The following ANKS1B variants were observed in gnomAD, a reference collection of about 807,000 sequenced individuals.
The protein encoded by ANKS1B is ankyrin repeat and sterile alpha motif domain-containing protein 1B.
A neutral mutation model predicts 148.3 loss-of-function variants in ANKS1B; 36 were observed. That is an observed-to-expected ratio of 0.24 (90% confidence interval 0.19 to 0.32). The LOEUF is 0.32. ANKS1B is among the 10% of genes least tolerant of loss of function. The pLI, the probability that ANKS1B is intolerant of heterozygous loss-of-function variation, is 1.00. For synonymous variants in ANKS1B, 542 were observed against 560.8 expected, an observed-to-expected ratio of 0.97 and a Z score of 0.47; for missense variants, 1,157 against 1,542.6, an observed-to-expected ratio of 0.75 and a Z score of 4.19.
At chr12:99,370,394 C>A (rs79941198) in intron 12 of ANKS1B, among the ~76,000 whole-genome samples, 3,955 of 152,178 alleles carry the variant, frequency 0.026, 163 homozygotes, top group African/African-American at 0.085. Context: ...ATCCTGTCAT[C>A]ATGGACCTAC....
At chr12:99,778,149 C>T (rs886266458) in intron 6 of ANKS1B, among the ~76,000 whole-genome samples, 12 of 150,534 alleles carry the variant, frequency 8.0e-5, no homozygotes, top group Non-Finnish European at 1.5e-4. Flanking sequence ...GCAGTGAGCC[C>T]AGAGGGCGCC....
At chr12:98,746,680 G>A (rs2097902419) in intron 26 of ANKS1B, among the ~76,000 whole-genome samples, 1 of 152,174 alleles carries the variant, frequency 6.6e-6, no homozygotes, top group African/African-American at 2.4e-5. Flanking sequence ...CCAAAACGCA[G>A]AAAAGCTCCT....
intron 8 of ANKS1B, among the ~76,000 whole-genome samples, chr12:99,723,910 G>C (rs961441109): frequency 2.0e-5 from 3 of 152,086 alleles, no homozygotes; most frequent in African/African-American, 7.2e-5. Context: ...CTACAGAAGA[G>C]GGGCCTGACC....
At chr12:99,934,777 A>G (rs890671518) in intron 1 of ANKS1B, among the ~76,000 whole-genome samples, 1 of 152,178 alleles carries the variant, frequency 6.6e-6, no homozygotes, top group Admixed American at 6.6e-5. Context: ...AAAAAGAAAA[A>G]AAGACATGGA....
intron 17 of ANKS1B, among the ~76,000 whole-genome samples, chr12:98,945,277 C>G (rs944979975): frequency 2.0e-5 from 3 of 152,084 alleles, no homozygotes; most frequent in Admixed American, 6.6e-5. Flanking sequence ...GGGCAGATCA[C>G]TTGAGCTCAG....
intron 10 of ANKS1B, among the ~76,000 whole-genome samples, chr12:99,472,189 T>C (rs1396648698): frequency 2.0e-5 from 3 of 152,110 alleles, no homozygotes; most frequent in African/African-American, 7.2e-5. Context: ...CTCCTCTAAT[T>C]TGTAGGTCTT....
intron 17 of ANKS1B, among the ~76,000 whole-genome samples, chr12:98,892,966 G>A (rs1420970485): frequency 6.6e-6 from 1 of 152,200 alleles, no homozygotes; most frequent in African/African-American, 2.4e-5. Flanking sequence ...GTAACATTAA[G>A]TTTGGCAACT....
intron 17 of ANKS1B, chr12:98,976,403 AG>A (rs1381828255): frequency 6.6e-6 from 1 of 152,240 alleles, no homozygotes; most frequent in African/African-American, 2.4e-5. Context: ...AGAAGCAACA[AG>A]AAGAAAGTGT....
At chr12:99,003,635 AC>A (rs1027517088) in intron 17 of ANKS1B, among the ~76,000 whole-genome samples, 2 of 152,132 alleles carry the variant, frequency 1.3e-5, no homozygotes, top group African/African-American at 4.8e-5. Context: ...TTATGTGTGT[AC>A]CTATTTGTTT....
chr12:99,820,359 T>C (rs2082360264), intron 2 of ANKS1B, among the ~76,000 whole-genome samples: 1 of 151,970 alleles, frequency 6.6e-6, no homozygotes, highest in Admixed American at 6.6e-5. Context: ...ATTTTCAGTA[T>C]GAAGGCTTTA....
At chr12:99,653,995 A>G (rs1229339195) in intron 9 of ANKS1B, among the ~76,000 whole-genome samples, 1 of 152,146 alleles carries the variant, frequency 6.6e-6, no homozygotes, top group Non-Finnish European at 1.5e-5. Context: ...ACTACGCGTT[A>G]GACTGCAGAT....
chr12:99,556,058 G>T lies in ANKS1B; in HGVS notation c.1273-51417C>A, dbSNP rs533979471. 7.2e-5 allele frequency among the ~76,000 whole-genome samples: 11 copies of T among 152,262 alleles called. No homozygotes were observed. In the South Asian group the frequency reaches 2.3e-3, roughly 32 times the overall value. ...ATAGAATGTGACAGTGAATCCATCT[G>T]ATCCAGGGCTTTTCCTGGTTGGTAG... On this transcript the variant is annotated intron_variant, in intron 9 of 26. Transcript: ENST00000683438.
At chr12:99,814,019 A>G (rs2068771358) in intron 2 of ANKS1B, among the ~76,000 whole-genome samples, 1 of 151,752 alleles carries the variant, frequency 6.6e-6, no homozygotes, top group South Asian at 2.1e-4. Flanking sequence ...GTTTAGATAC[A>G]TAAATACTTT....
Position 98,745,226 on chromosome 12 carries a change from G to C in ANKS1B, c.*513C>G. On this transcript the variant is annotated 3_prime_UTR_variant, in exon 27 of 27. Transcript: ENST00000683438. Reference sequence around the variant, plus strand: ...TCCTGGCAATCATATCACGGGAGTTGTTTTTGTCCTTTTGCATTAAACGAT... The same window carrying C: ...TCCTGGCAATCATATCACGGGAGTTCTTTTTGTCCTTTTGCATTAAACGAT... 1 of 985,778 alleles carries C rather than the reference G, an allele frequency of 1.0e-6. No homozygotes were observed. Among genetic ancestry groups the C allele is most frequent in the Non-Finnish European group, 1.2e-6 (1 of 829,914 alleles). The allele number at this position is 985,778 out of a possible 1,614,324, so 61.1% of individuals were successfully genotyped here. A position where few individuals can be genotyped will look rare whatever the true frequency, so the allele number is the denominator to read the frequency against.
intron 14 of ANKS1B, among the ~76,000 whole-genome samples, chr12:99,159,014 C>T (rs891559549): frequency 2.0e-5 from 3 of 152,108 alleles, no homozygotes; most frequent in Admixed American, 1.3e-4. Flanking sequence ...CCAGCTGGGT[C>T]AGGCCAAAAA....
At chr12:99,791,706 A>C (rs1296342236) in intron 4 of ANKS1B, among the ~76,000 whole-genome samples, 1 of 151,930 alleles carries the variant, frequency 6.6e-6, no homozygotes, top group African/African-American at 2.4e-5. Flanking sequence ...CCTTGAAATA[A>C]GTTCATGGAA....
At chr12:98,746,089 CG>C (rs1279965266) in intron 26 of ANKS1B, among the ~76,000 whole-genome samples, 1 of 152,166 alleles carries the variant, frequency 6.6e-6, no homozygotes, top group East Asian at 1.9e-4. Context: ...AGCACACAGA[CG>C]GGGAGCAGAC....
At chr12:99,319,547 C>T (rs556199811) in intron 12 of ANKS1B, among the ~76,000 whole-genome samples, 2 of 152,214 alleles carry the variant, frequency 1.3e-5, no homozygotes, top group South Asian at 2.1e-4. Flanking sequence ...TCCTCCATCC[C>T]TTTATTTTGA....
At chr12:98,848,715 T>C (rs2099499517) in intron 17 of ANKS1B, among the ~76,000 whole-genome samples, 1 of 148,876 alleles carries the variant, frequency 6.7e-6, no homozygotes, top group Non-Finnish European at 1.5e-5. Flanking sequence ...CATGCCACCA[T>C]ACCTGGATTA....
Sources: gnomAD v4.1 joint callset for allele counts (sites outside exome capture counted in the v4.1 genomes callset) on GRCh38, gnomAD v4.1.1 for gene constraint, MANE v1.5 for transcripts, NCBI Gene and HGNC (gene_info 2026-07-23, HGNC 2026-07-21) for gene names.